ENPP7: variants seen among roughly 807,000 people sequenced by gnomAD.
ENPP7 encodes ectonucleotide pyrophosphatase/phosphodiesterase 7, also known as ectonucleotide pyrophosphatase/phosphodiesterase family member 7.
In ENPP7, 39 loss-of-function variants were observed where a neutral mutation model predicts 33.6. That is an observed-to-expected ratio of 1.16 (90% CI 0.90 to 1.52). The LOEUF (loss-of-function observed/expected upper bound fraction) is 1.52. ENPP7 is among the 40% of genes most tolerant of loss of function. The probability of loss-of-function intolerance (pLI) is 0.00; values close to 1 mark genes in which losing one functional copy is unlikely to be tolerated. For missense variants in ENPP7, 594 were observed against 641.0 expected (o/e 0.93, Z 0.79); for synonymous variants, 244 against 274.3 (o/e 0.89, Z 1.09).
intron 5 of ENPP7, among the ~76,000 whole-genome samples, chr17:79,741,074 T>C (rs571995490): frequency 1.6e-3 from 248 of 152,248 alleles, no homozygotes; most frequent in South Asian, 3.9e-3. Flanking sequence ...AGCCTCGACC[T>C]CCTGGGCTCA....
rs782703540 is a variant in ENPP7 at position 79,735,337 on chromosome 17, C to G, written c.694C>G (p.Arg232Gly). Residue 232 changes from arginine (R) to glycine (G), a missense_variant, in exon 3 of 6, where the codon CGC (arginine) becomes GGC (glycine). Arg to Gly is a moderately radical substitution (Grantham distance 125, BLOSUM62 -2). This residue lies in a region of ENPP7 where 504 missense variants were observed against 512.8 expected (regional missense o/e 0.98). Transcript: ENST00000328313. The surrounding 1 kb of genome is among the most constrained non-coding windows in gnomAD (Gnocchi z 5.5). The stretch of plus-strand genomic sequence containing the variant: ...GGGCTACCTCCGGGAGAGCATCGCG[C>G]GCAACCACCTCACAGACCGCCTCAA... ...TVGYLRESIA[R>G]NHLTDRLNLI... 3 of 1,613,642 alleles carry G rather than the reference C, an allele frequency of 1.9e-6. No individual in the cohort carries two copies. Among genetic ancestry groups the G allele is most frequent in the East Asian group, 4.5e-5 (2 of 44,876 alleles).
At chr17:79,732,144 A>ATATATATATATATATATATATC (rs2094287539) in intron 1 of ENPP7, among the ~76,000 whole-genome samples, 1 of 49,902 alleles carries the variant, frequency 2.0e-5, no homozygotes, top group Non-Finnish European at 3.6e-5. Context: ...ATATATATAT[A>ATATATATATATATATATATATC]TATATACACA....
Position 79,741,778 on chromosome 17 carries a change from C to A in ENPP7, c.*17-16C>A, listed in dbSNP as rs1386268960. On this transcript the variant is annotated splice_polypyrimidine_tract_variant and intron_variant, in intron 5 of 5. Coordinates refer to ENST00000328313, the MANE Select transcript of ENPP7 (RefSeq NM_178543.5). ...TCCTCTCCTCCCAGACCAACGCGTG[C>A]TGCTTGCTCTTCCAGGAAGCCGCCG... The A allele has an allele frequency of 3.0e-6, 3 of 985,622 alleles. No homozygotes were observed. The highest frequency in any genetic ancestry group is 3.6e-6 in the Non-Finnish European group (3 of 830,244). The allele number at this position is 985,622 out of a possible 1,614,324, so 61.1% of individuals were successfully genotyped here. A position where few individuals can be genotyped will look rare whatever the true frequency, so the allele number is the denominator to read the frequency against.
In ENPP7 at chr17:79,738,188, C is replaced by G. The variant is rs1335736053; in HGVS notation, c.*16+126C>G. 1 of 959,788 alleles carries G rather than the reference C, an allele frequency of 1.0e-6. No individual in the cohort carries two copies. Among genetic ancestry groups the G allele is most frequent in the African/African-American group, 1.6e-5 (1 of 61,574 alleles). The allele number at this position is 959,788 out of a possible 1,614,324, so 59.5% of individuals were successfully genotyped here. On this transcript the variant is annotated intron_variant, in intron 5 of 5. Coordinates refer to ENST00000328313, the MANE Select transcript of ENPP7 (RefSeq NM_178543.5). This position sits in a 1 kb window ranked among gnomAD's most constrained non-coding sequence, Gnocchi z 6.2. ...CCAGGCCCCGCCAAGCAGGTGACTCCCACTGACCTGGCTGCCCCAGAGAGG... is the reference window on the plus strand; with the variant it reads ...CCAGGCCCCGCCAAGCAGGTGACTCGCACTGACCTGGCTGCCCCAGAGAGG...
At chr17:79,732,517 G>A (rs1463535087) in intron 1 of ENPP7, among the ~76,000 whole-genome samples, 1 of 152,034 alleles carries the variant, frequency 6.6e-6, no homozygotes, top group African/African-American at 2.4e-5. Flanking sequence ...GGCATTGCAG[G>A]GCTGCACCCA....
In ENPP7 at chr17:79,739,847, G is replaced by A. The variant is rs1309615312; in HGVS notation, c.*16+1785G>A. Among the ~76,000 whole-genome samples, 5 of 152,228 alleles carry A rather than the reference G, an allele frequency of 3.3e-5. No individual in the cohort carries two copies. The highest frequency in any genetic ancestry group is 7.3e-5 in the Non-Finnish European group (5 of 68,042). On this transcript the variant is annotated intron_variant, in intron 5 of 5. Transcript: ENST00000328313. The surrounding 1 kb of genome is among the most constrained non-coding windows in gnomAD (Gnocchi z 4.4). Reference sequence around the variant, plus strand: ...AGAGATGGTGACCACACCACTCACTGAGAAGGCGGGGCTGGTGAGACAGGA... The same window carrying A: ...AGAGATGGTGACCACACCACTCACTAAGAAGGCGGGGCTGGTGAGACAGGA...
In ENPP7 at chr17:79,738,621, G is replaced by T. The variant is rs534285394; in HGVS notation, c.*16+559G>T. On this transcript the variant is annotated intron_variant, in intron 5 of 5. Coordinates refer to ENST00000328313, the MANE Select transcript of ENPP7 (RefSeq NM_178543.5). The surrounding 1 kb of genome is among the most constrained non-coding windows in gnomAD (Gnocchi z 6.2). ...GGGGCTGCGTTCCTGGAACTCTCTGGAAGCCCACCTCCAAGGACACGCGTG... is the reference window on the plus strand; with the variant it reads ...GGGGCTGCGTTCCTGGAACTCTCTGTAAGCCCACCTCCAAGGACACGCGTG... The T allele has an allele frequency of 6.6e-6, 1 of 152,372 alleles. No homozygotes were observed. Among genetic ancestry groups the T allele is most frequent in the Non-Finnish European group, 1.5e-5 (1 of 68,434 alleles). The allele number at this position is 152,372 out of a possible 1,614,324, so 9.4% of individuals were successfully genotyped here. A position where few individuals can be genotyped will look rare whatever the true frequency, so the allele number is the denominator to read the frequency against.
Position 79,731,367 on chromosome 17 carries a change from C to A in ENPP7, c.228C>A (p.Ser76Arg), listed in dbSNP as rs568080551. ...YMTPAFVTMT[S>R]PCHFTLVTGK... ...CCCCCGCCTTTGTCACCATGACCAG[C>A]CCCTGCCACTTCACCCTGGTCACCG... The change falls in exon 1 of 6, where the codon AGC (serine) becomes AGA (arginine). Residue 76 changes from serine (S) to arginine (R), a missense_variant. Ser to Arg is a moderately radical substitution (Grantham distance 110, BLOSUM62 -1). Coordinates refer to ENST00000328313, the MANE Select transcript of ENPP7 (RefSeq NM_178543.5). 3 of 1,612,122 alleles carry A rather than the reference C, an allele frequency of 1.9e-6. No homozygotes were observed. The highest frequency in any genetic ancestry group is 1.7e-5 in the Admixed American group (1 of 59,864).
rs58744239 is a variant in ENPP7, at chr17:79,736,536, C to CGTGTGTGTGT, written c.1027-475_1027-466dup. Among the ~76,000 whole-genome samples, 135 of 146,110 alleles carry CGTGTGTGTGT rather than the reference C, an allele frequency of 9.2e-4. 1 individual carries two copies. Among genetic ancestry groups the CGTGTGTGTGT allele is most frequent in the African/African-American group, 3.0e-3 (121 of 40,232 alleles). On this transcript the variant is annotated intron_variant, in intron 3 of 5. Coordinates refer to ENST00000328313, the MANE Select transcript of ENPP7 (RefSeq NM_178543.5). ...TCATGACCAGGCACTGTGTGATAGG[C>CGTGTGTGTGT]GTGTGTGTGTGTGTGTGTGTGTGTG...
chr17:79,731,533 A>G lies in ENPP7; in HGVS notation c.253+141A>G, dbSNP rs1197748833. ...GCCAAGGGGACCATTAGGAATCCTC[A>G]CCGTTGGTAGCAACAGATCCGGGAC... On this transcript the variant is annotated intron_variant, in intron 1 of 5. Transcript: ENST00000328313. 7 of 1,117,894 alleles carry G rather than the reference A, an allele frequency of 6.3e-6. No homozygotes were observed. In the African/African-American group the frequency reaches 1.1e-4, roughly 18 times the overall value. The allele number at this position is 1,117,894 out of a possible 1,614,324, so 69.2% of individuals were successfully genotyped here.
In ENPP7 at chr17:79,735,431, A is replaced by G. The variant is rs905955042; in HGVS notation, c.788A>G (p.His263Arg). The G allele has an allele frequency of 6.2e-7, 1 of 1,614,038 alleles. No homozygotes were observed. Among genetic ancestry groups the G allele is most frequent in the Admixed American group, 1.7e-5 (1 of 60,022 alleles). ...DKRAGDLVEF[H>R]KFPNFTFRDI... ...CGGGCTGGCGACCTGGTTGAATTCCACAAGTTCCCCAACTTCACCTTCCGG... is the reference window on the plus strand; with the variant it reads ...CGGGCTGGCGACCTGGTTGAATTCCGCAAGTTCCCCAACTTCACCTTCCGG... Residue 263 changes from histidine (H) to arginine (R), a missense_variant, in exon 3 of 6, where the codon CAC becomes CGC. Coordinates refer to ENST00000328313, the MANE Select transcript of ENPP7 (RefSeq NM_178543.5). This position sits in a 1 kb window ranked among gnomAD's most constrained non-coding sequence, Gnocchi z 5.5.
In ENPP7 at chr17:79,735,358, C is replaced by G. The variant is rs369657198; in HGVS notation, c.715C>G (p.Leu239Val). Reference sequence around the variant, plus strand: ...CGCGCGCAACCACCTCACAGACCGCCTCAACCTGATCATCACATCCGACCA... The same window carrying G: ...CGCGCGCAACCACCTCACAGACCGCGTCAACCTGATCATCACATCCGACCA... ...SIARNHLTDR[L>V]NLIITSDHGM... The change falls in exon 3 of 6, where the codon CTC becomes GTC. Residue 239 changes from leucine (L) to valine (V), a missense_variant. This residue lies in a region of ENPP7 where 504 missense variants were observed against 512.8 expected (regional missense o/e 0.98). Coordinates refer to ENST00000328313, the MANE Select transcript of ENPP7 (RefSeq NM_178543.5). The surrounding 1 kb of genome is among the most constrained non-coding windows in gnomAD (Gnocchi z 5.5). 6.2e-7 allele frequency: 1 copy of G among 1,613,850 alleles called. No homozygotes were observed. The highest frequency in any genetic ancestry group is 8.5e-7 in the Non-Finnish European group (1 of 1,180,024).
rs185206432 is a variant in ENPP7, at chr17:79,739,788, A to G, written c.*16+1726A>G. On this transcript the variant is annotated intron_variant, in intron 5 of 5. Transcript: ENST00000328313. This position sits in a 1 kb window ranked among gnomAD's most constrained non-coding sequence, Gnocchi z 4.4. ...TTGTCAACACAAGCTATGGGACTCA[A>G]TGAAAGCCCCCAGCCAGAAGGAGTG... 2.0e-5 allele frequency among the ~76,000 whole-genome samples: 3 copies of G among 152,342 alleles called. No individual in the cohort carries two copies. Among genetic ancestry groups the G allele is most frequent in the East Asian group, 1.9e-4 (1 of 5,184 alleles).
chr17:79,735,397 G>A lies in ENPP7; in HGVS notation c.754G>A (p.Val252Met), dbSNP rs781967906. 19 of 1,613,930 alleles carry A rather than the reference G, an allele frequency of 1.2e-5. No homozygotes were observed. The highest frequency in any genetic ancestry group is 2.7e-5 in the African/African-American group (2 of 74,924). The change falls in exon 3 of 6, where the codon GTG becomes ATG. Residue 252 changes from valine (V) to methionine (M), a missense_variant. By Grantham distance (21) the Val-to-Met change is conservative. This residue lies in a region of ENPP7 where 504 missense variants were observed against 512.8 expected (regional missense o/e 0.98). Transcript: ENST00000328313. This position sits in a 1 kb window ranked among gnomAD's most constrained non-coding sequence, Gnocchi z 5.5. ...IITSDHGMTTVDKRAGDLVEF... is the reference protein window; with the variant it reads ...IITSDHGMTTMDKRAGDLVEF... ...CACATCCGACCACGGCATGACGACCGTGGACAAACGGGCTGGCGACCTGGT... is the reference window on the plus strand; with the variant it reads ...CACATCCGACCACGGCATGACGACCATGGACAAACGGGCTGGCGACCTGGT...
chr17:79,731,226 C>T lies in ENPP7; in HGVS notation c.87C>T (p.Ser29=), dbSNP rs1555822430. Residue 29 remains serine (S), a synonymous_variant, in exon 1 of 6, where the codon TCC becomes TCT. Coordinates refer to ENST00000328313, the MANE Select transcript of ENPP7 (RefSeq NM_178543.5). ...GAGCACCGGTACAAAGTCAGGGCTC[C>T]CAGAACAAGCTGCTCCTGGTGTCCT... The part of the protein sequence containing the change: ...GAGAPVQSQG[S]QNKLLLVSFD... 1 of 1,612,968 alleles carries T rather than the reference C, an allele frequency of 6.2e-7. No homozygotes were observed. Among genetic ancestry groups the T allele is most frequent in the Non-Finnish European group, 8.5e-7 (1 of 1,179,964 alleles).
intron 2 of ENPP7, among the ~76,000 whole-genome samples, chr17:79,734,168 G>A (rs1451731299): frequency 8.5e-6 from 1 of 117,188 alleles, no homozygotes; most frequent in East Asian, 3.0e-4. Flanking sequence ...AGTTTGCAAT[G>A]CTCTGGGGGC....
Position 79,738,301 on chromosome 17 carries a change from C to A in ENPP7, c.*16+239C>A. ...TCTTTCCAGAGCAGACCACCCGGAC[C>A]AGTGGCCAGAATTCCCACCCTCCCC... is the stretch of plus-strand genomic sequence containing the variant. On this transcript the variant is annotated intron_variant, in intron 5 of 5. Coordinates refer to ENST00000328313, the MANE Select transcript of ENPP7 (RefSeq NM_178543.5). The surrounding 1 kb of genome is among the most constrained non-coding windows in gnomAD (Gnocchi z 6.2). 2.2e-6 allele frequency: 1 copy of A among 454,558 alleles called. No individual in the cohort carries two copies. The highest frequency in any genetic ancestry group is 1.9e-5 in the African/African-American group (1 of 51,634). 28.2% of individuals were successfully genotyped at this position (454,558 alleles called of 1,614,324 possible).
rs368204503 is a variant in ENPP7, at chr17:79,735,288, G to T, written c.645G>T (p.Met215Ile). Residue 215 changes from methionine to isoleucine, a missense_variant, in exon 3 of 6, where the codon ATG (methionine) becomes ATT (isoleucine). Physicochemically the swap from Met to Ile is conservative, Grantham distance 10. This residue lies in a region of ENPP7 where 504 missense variants were observed against 512.8 expected (regional missense o/e 0.98). Coordinates refer to ENST00000328313, the MANE Select transcript of ENPP7 (RefSeq NM_178543.5). This position sits in a 1 kb window ranked among gnomAD's most constrained non-coding sequence, Gnocchi z 5.5. ...CCGAGTCCCCGGAGAGGAGGGAGAT[G>T]GTGCGGCAGGTGGACCGGACCGTGG... ...YGPESPERRE[M>I]VRQVDRTVGY... 6.2e-7 allele frequency: 1 copy of T among 1,613,510 alleles called. No individual in the cohort carries two copies. Among genetic ancestry groups the T allele is most frequent in the Admixed American group, 1.7e-5 (1 of 60,016 alleles).
intron 1 of ENPP7, among the ~76,000 whole-genome samples, chr17:79,732,355 C>G (rs559101751): frequency 6.6e-6 from 1 of 151,768 alleles, no homozygotes; most frequent in Non-Finnish European, 1.5e-5. Flanking sequence ...GCAATTGGCC[C>G]TCCCTAGGGG....
Sources: gnomAD v4.1 joint callset for allele counts (sites outside exome capture counted in the v4.1 genomes callset) on GRCh38, gnomAD v4.1.1 for gene constraint, gnomAD v4.1.1 regional missense constraint, Gnocchi (gnomAD v3.1) non-coding constraint, MANE v1.5 for transcripts, NCBI Gene and HGNC (gene_info 2026-07-23, HGNC 2026-07-21) for gene names.